The following TSEN2 variants were observed in gnomAD, a reference collection of about 807,000 sequenced individuals.
TSEN2 encodes the protein tRNA-splicing endonuclease subunit Sen2.
TSEN2 carries 54 observed loss-of-function variants against 59.2 expected under a neutral mutation model. The observed-to-expected ratio is 0.91, with a 90% CI of 0.73 to 1.14. The LOEUF (loss-of-function observed/expected upper bound fraction) is 1.14. TSEN2 is among the 50% of genes most tolerant of loss of function. The probability of loss-of-function intolerance (pLI) is 0.00; values close to 1 mark genes in which losing one functional copy is unlikely to be tolerated. For synonymous variants in TSEN2, 195 were observed against 198.2 expected, an observed-to-expected ratio of 0.98 and a Z score of 0.14; for missense variants, 636 against 576.2, an observed-to-expected ratio of 1.10 and a Z score of -1.06.
At chr3:12,538,939 T>C in intron 10 of TSEN2, 1 of 310,454 alleles carries the variant, frequency 3.2e-6, no homozygotes, top group South Asian at 2.4e-5. Context: ...CCCCTGAGCC[T>C]CCATGTGTCG....
intron 4 of TSEN2, among the ~76,000 whole-genome samples, chr3:12,502,885 A>G (rs1331590946): frequency 6.6e-6 from 1 of 152,030 alleles, no homozygotes; most frequent in African/African-American, 2.4e-5. Context: ...CATCCTGGCC[A>G]ATATAGTGAA....
At chr3:12,538,198 C>G (rs1474969258), downstream of TSEN2, among the ~76,000 whole-genome samples, 3 of 152,204 alleles carry the variant, frequency 2.0e-5, no homozygotes, top group Admixed American at 6.5e-5. Context: ...GGATCTGTAG[C>G]AAGTTTTCTG....
Position 12,533,034 on chromosome 3 carries a change from C to A in TSEN2, c.*313C>A. The A allele has an allele frequency of 4.5e-6, 2 of 443,384 alleles. No homozygotes were observed. Among genetic ancestry groups the A allele is most frequent in the East Asian group, 4.4e-5 (1 of 22,972 alleles). 27.5% of individuals were successfully genotyped at this position (443,384 alleles called of 1,614,324 possible). A position where few individuals can be genotyped will look rare whatever the true frequency, so the allele number is the denominator to read the frequency against. On this transcript the variant is annotated 3_prime_UTR_variant, in exon 12 of 12. Coordinates refer to ENST00000284995, the MANE Select transcript of TSEN2 (RefSeq NM_025265.4). ...TAGAGGAGTCCTGAGAGGACACTTC[C>A]AACAAGAGACATTTATTCTCTGATT...
chr3:12,531,296 G>A, intron 10 of TSEN2: 1 of 395,972 alleles, frequency 2.5e-6, no homozygotes, highest in Non-Finnish European at 4.7e-6. Context: ...GGACATTTGA[G>A]GACTTACTAT....
chr3:12,530,448 A>C, intron 10 of TSEN2: 1 of 985,640 alleles, frequency 1.0e-6, no homozygotes, highest in Non-Finnish European at 1.2e-6. Context: ...TTGTTTCACT[A>C]TATCCTTCGT....
At chr3:12,525,711 C>T (rs1248290568) in intron 8 of TSEN2, among the ~76,000 whole-genome samples, 3 of 152,072 alleles carry the variant, frequency 2.0e-5, no homozygotes, top group African/African-American at 4.8e-5. Context: ...CATGCATTAC[C>T]ACAGCTAATT....
intron 10 of TSEN2, chr3:12,530,592 G>C: frequency 2.0e-6 from 2 of 985,530 alleles, no homozygotes; most frequent in Non-Finnish European, 2.4e-6. Flanking sequence ...TCCTCATGCT[G>C]CTGGAGGTGA....
intron 8 of TSEN2, among the ~76,000 whole-genome samples, chr3:12,527,956 G>A (rs116645444): frequency 0.014 from 2,089 of 152,256 alleles, 43 homozygotes; most frequent in African/African-American, 0.047. Context: ...GAGTCTGTGT[G>A]TCAGAGTCCC....
At chr3:12,491,855 T>A (rs539645383) in intron 2 of TSEN2, among the ~76,000 whole-genome samples, 3 of 152,238 alleles carry the variant, frequency 2.0e-5, no homozygotes, top group Admixed American at 2.0e-4. Context: ...CTTTATTTTC[T>A]TATATTAAAC....
chr3:12,518,812 G>A (rs962031433), intron 7 of TSEN2, among the ~76,000 whole-genome samples: 2 of 151,392 alleles, frequency 1.3e-5, no homozygotes, highest in Non-Finnish European at 2.9e-5. Context: ...CACTGGACAG[G>A]GCAGGACCAG....
At position 12,532,832 on chromosome 3, in the gene TSEN2, G is replaced by T. The variant is rs1040172995; in HGVS notation, c.*111G>T. 17 of 997,496 alleles carry T rather than the reference G, an allele frequency of 1.7e-5. No homozygotes were observed. Among genetic ancestry groups the T allele is most frequent in the Admixed American group, 9.3e-5 (5 of 53,618 alleles). 61.8% of individuals were successfully genotyped at this position (997,496 alleles called of 1,614,324 possible). A position where few individuals can be genotyped will look rare whatever the true frequency, so the allele number is the denominator to read the frequency against. ...ATTCATAAGTTTTAAAGGGCATGGTGCTCCCAGCACCAGAAAACTATCAGT... is the reference window on the plus strand; with the variant it reads ...ATTCATAAGTTTTAAAGGGCATGGTTCTCCCAGCACCAGAAAACTATCAGT... On this transcript the variant is annotated 3_prime_UTR_variant, in exon 12 of 12. Transcript: ENST00000284995.
At chr3:12,536,657 G>T (rs2057678538), downstream of TSEN2, among the ~76,000 whole-genome samples, 1 of 152,154 alleles carries the variant, frequency 6.6e-6, no homozygotes, top group Non-Finnish European at 1.5e-5. Flanking sequence ...ATCAATGGCT[G>T]ATTTCCTTTA....
chr3:12,538,203 T>G (rs1184734325), downstream of TSEN2, among the ~76,000 whole-genome samples: 2 of 152,196 alleles, frequency 1.3e-5, no homozygotes, highest in Non-Finnish European at 2.9e-5. Context: ...TGTAGCAAGT[T>G]TTCTGAATAT....
intron 2 of TSEN2, among the ~76,000 whole-genome samples, chr3:12,490,609 T>C (rs75763180): frequency 6.6e-6 from 1 of 152,238 alleles, no homozygotes; most frequent in Non-Finnish European, 1.5e-5. Flanking sequence ...TATTGAGTTA[T>C]AATTTACAAC....
chr3:12,481,489 C>T (rs377261788), upstream of TSEN2, among the ~76,000 whole-genome samples: 43 of 152,012 alleles, frequency 2.8e-4, 1 homozygote, highest in Admixed American at 9.2e-4. Flanking sequence ...TAGTTTGTGC[C>T]ATGTTTTTCA....
intron 4 of TSEN2, among the ~76,000 whole-genome samples, chr3:12,498,520 T>C (rs1487367174): frequency 6.6e-6 from 1 of 152,186 alleles, no homozygotes; most frequent in African/African-American, 2.4e-5. Flanking sequence ...TTGATCACTT[T>C]CATAGACTTC....
At chr3:12,480,740 G>T (rs2052183670), upstream of TSEN2, among the ~76,000 whole-genome samples, 1 of 151,738 alleles carries the variant, frequency 6.6e-6, no homozygotes, top group Non-Finnish European at 1.5e-5. Context: ...TGCCATGTTG[G>T]CCAGGCTGGT....
chr3:12,485,980 T>C (rs1231688196), intron 1 of TSEN2, among the ~76,000 whole-genome samples: 4 of 152,198 alleles, frequency 2.6e-5, no homozygotes, highest in Non-Finnish European at 5.9e-5. Context: ...ATTTAGTATT[T>C]ACATTGTATT....
chr3:12,539,083 T>G (rs2057749198), intron 10 of TSEN2: 11 of 414,306 alleles, frequency 2.7e-5, no homozygotes, highest in Non-Finnish European at 4.7e-5. Flanking sequence ...TCTGAGGGGG[T>G]TTTTGGTTTT....
Sources: gnomAD v4.1 joint callset for allele counts (sites outside exome capture counted in the v4.1 genomes callset) on GRCh38, gnomAD v4.1.1 for gene constraint, MANE v1.5 for transcripts, NCBI Gene and HGNC (gene_info 2026-07-23, HGNC 2026-07-21) for gene names.